ADAM12: variants seen among roughly 807,000 people sequenced by gnomAD.
ADAM12 encodes the protein ADAM metallopeptidase domain 12.
Under a neutral mutation model 106.4 loss-of-function variants are expected in ADAM12, and 70 were observed. That is an observed-to-expected ratio of 0.66 (90% CI 0.54 to 0.80). The LOEUF is 0.80. ADAM12 is among the 30% of genes least tolerant of loss of function. The pLI, the probability that ADAM12 is intolerant of heterozygous loss-of-function variation, is 0.00. For synonymous variants in ADAM12, 420 were observed against 433.5 expected, an observed-to-expected ratio of 0.97 and a Z score of 0.39; for missense variants, 1,010 against 1,171.9, an observed-to-expected ratio of 0.86 and a Z score of 2.02.
chr10:126,230,239 C>G (rs1010685493), intron 3 of ADAM12, among the ~76,000 whole-genome samples: 2 of 152,164 alleles, frequency 1.3e-5, no homozygotes, highest in Non-Finnish European at 2.9e-5. Context: ...GTAGAGGGGT[C>G]AGGGACTGGA....
At chr10:126,042,336 T>C (rs1458310080) in intron 18 of ADAM12, 2 of 1,473,796 alleles carry the variant, frequency 1.4e-6, no homozygotes, top group East Asian at 2.4e-5. Context: ...CTAAAGGTCA[T>C]CCGAGGAGAA....
At chr10:126,184,267 C>T (rs1464018275) in intron 3 of ADAM12, among the ~76,000 whole-genome samples, 3 of 152,164 alleles carry the variant, frequency 2.0e-5, no homozygotes, top group African/African-American at 4.8e-5. Flanking sequence ...CCGTTACATT[C>T]GGTTTTGTAA....
chr10:126,313,414 C>T (rs1961203298), intron 2 of ADAM12, among the ~76,000 whole-genome samples: 1 of 152,226 alleles, frequency 6.6e-6, no homozygotes, highest in South Asian at 2.1e-4. Flanking sequence ...ACCTTGGAAG[C>T]TGGCTATCAC....
intron 2 of ADAM12, among the ~76,000 whole-genome samples, chr10:126,286,964 C>G (rs1959894277): frequency 6.6e-6 from 1 of 152,174 alleles, no homozygotes; most frequent in South Asian, 2.1e-4. Context: ...GTTTCTGCAG[C>G]ATGATAGAGT....
chr10:126,163,409 A>C lies in ADAM12; in HGVS notation c.261-8104T>G, dbSNP rs547610871. On this transcript the variant is annotated intron_variant, in intron 3 of 22. Transcript: ENST00000448723. ...TTTTCTGATTTCAAAATCTTTGGACATACTGGCTGAAAACGAGTATTTAGA... is the reference window on the plus strand; with the variant it reads ...TTTTCTGATTTCAAAATCTTTGGACCTACTGGCTGAAAACGAGTATTTAGA... 4.6e-5 allele frequency among the ~76,000 whole-genome samples: 7 copies of C among 152,332 alleles called. No homozygotes were observed. The East Asian group carries it at 1.2e-3, about 25-fold the overall frequency.
intron 11 of ADAM12, among the ~76,000 whole-genome samples, chr10:126,080,135 TC>T (rs2133524232): frequency 6.6e-6 from 1 of 152,322 alleles, no homozygotes; most frequent in East Asian, 1.9e-4. Context: ...TGCTTCCAAA[TC>T]CAAAGTATGG....
At chr10:126,041,574 AT>A (rs1954171328) in intron 18 of ADAM12, 11 of 985,954 alleles carry the variant, frequency 1.1e-5, no homozygotes, top group Non-Finnish European at 1.1e-5. Context: ...AGTTTGTTTC[AT>A]TGCCATTCAG....
intron 19 of ADAM12, among the ~76,000 whole-genome samples, chr10:126,039,059 A>C (rs1354148621): frequency 7.2e-6 from 1 of 139,780 alleles, no homozygotes; most frequent in African/African-American, 2.7e-5. Context: ...TCCCGGGTTC[A>C]CGCCATTCTC....
At chr10:126,387,026 G>A (rs142662498) in intron 1 of ADAM12, among the ~76,000 whole-genome samples, 1,827 of 152,260 alleles carry the variant, frequency 0.012, 44 homozygotes, top group African/African-American at 0.042. Flanking sequence ...GGGCAGCAGT[G>A]GCAATCGCAA....
chr10:126,344,164 T>G (rs1016047799), intron 1 of ADAM12, among the ~76,000 whole-genome samples: 6 of 152,116 alleles, frequency 3.9e-5, no homozygotes, highest in Non-Finnish European at 8.8e-5. Flanking sequence ...GGTCTAACAT[T>G]TAAGTCTTTA....
chr10:126,098,452 G>A lies in ADAM12; in HGVS notation c.960C>T (p.Ser320=). 5 of 1,614,122 alleles carry A rather than the reference G, an allele frequency of 3.1e-6. No homozygotes were observed. Among genetic ancestry groups the A allele is most frequent in the Non-Finnish European group, 3.4e-6 (4 of 1,179,982 alleles). Residue 320 remains serine (S), a synonymous_variant, in exon 10 of 23, where the codon AGC becomes AGT. Coordinates refer to ENST00000448723, the MANE Select transcript of ADAM12 (RefSeq NM_001288973.2). ...CCCCAGACTGGTCTGCCGTGCACAT[G>A]CTCATGATTGGGGCCATGCCGATGG... is the stretch of plus-strand genomic sequence containing the variant. ...GTTIGMAPIM[S]MCTADQSGGI...
In ADAM12 at chr10:126,043,202, C is replaced by A. The variant is rs1467663579; in HGVS notation, c.1996-54G>T. The A allele has an allele frequency of 1.3e-6, 2 of 1,534,160 alleles. No homozygotes were observed. The highest frequency in any genetic ancestry group is 1.4e-5 in the African/African-American group (1 of 73,118). ...GTTAGGGCATATGCTCTGTGCATCACCACAGCAGAAGCAAGGGGGGCCATG... is the reference window on the plus strand; with the variant it reads ...GTTAGGGCATATGCTCTGTGCATCAACACAGCAGAAGCAAGGGGGGCCATG... On this transcript the variant is annotated intron_variant, in intron 17 of 22. Transcript: ENST00000448723. The surrounding 1 kb of genome is among the most constrained non-coding windows in gnomAD (Gnocchi z 4.1).
chr10:126,328,510 G>T (rs1854387148), intron 2 of ADAM12, among the ~76,000 whole-genome samples: 1 of 152,154 alleles, frequency 6.6e-6, no homozygotes, highest in African/African-American at 2.4e-5. Context: ...TCCCCATGGG[G>T]AATTCCTGCA....
At chr10:126,180,220 G>A (rs534058588) in intron 3 of ADAM12, among the ~76,000 whole-genome samples, 5 of 152,242 alleles carry the variant, frequency 3.3e-5, no homozygotes, top group East Asian at 1.9e-4. Flanking sequence ...AAGAATGTCC[G>A]GAAGGTCATC....
chr10:126,103,464 T>A (rs2133585128), intron 8 of ADAM12, among the ~76,000 whole-genome samples: 1 of 152,340 alleles, frequency 6.6e-6, no homozygotes, highest in East Asian at 1.9e-4. Flanking sequence ...TGTGGCTTAA[T>A]CCTGAAAACA....
intron 3 of ADAM12, among the ~76,000 whole-genome samples, chr10:126,240,458 C>T (rs1057366525): frequency 4.6e-5 from 7 of 152,180 alleles, no homozygotes; most frequent in African/African-American, 1.2e-4. Flanking sequence ...CTACATAAAA[C>T]GAGTAAACAC....
intron 21 of ADAM12, among the ~76,000 whole-genome samples, chr10:126,033,353 G>A (rs1166797259): frequency 6.6e-6 from 1 of 152,180 alleles, no homozygotes; most frequent in Non-Finnish European, 1.5e-5. Context: ...AAGGAGAAAT[G>A]AGGTCTGGAC....
intron 1 of ADAM12, among the ~76,000 whole-genome samples, chr10:126,379,608 G>A (rs1372202299): frequency 6.6e-6 from 1 of 152,074 alleles, no homozygotes; most frequent in Non-Finnish European, 1.5e-5. Context: ...ACGGGTTGAT[G>A]GGTGCAGCAA....
At chr10:126,111,185 G>A (rs1343950638) in intron 6 of ADAM12, among the ~76,000 whole-genome samples, 1 of 152,136 alleles carries the variant, frequency 6.6e-6, no homozygotes, top group Non-Finnish European at 1.5e-5. Flanking sequence ...AAGATATCTG[G>A]AAACCTTATG....
Sources: gnomAD v4.1 joint callset for allele counts (sites outside exome capture counted in the v4.1 genomes callset) on GRCh38, gnomAD v4.1.1 for gene constraint, Gnocchi (gnomAD v3.1) non-coding constraint, MANE v1.5 for transcripts, NCBI Gene and HGNC (gene_info 2026-07-23, HGNC 2026-07-21) for gene names.